Variants in CSNK1G3 observed in about 807,000 individuals in gnomAD.
CSNK1G3 encodes casein kinase 1 gamma 3, also known as casein kinase I isoform gamma-3.
Under a neutral mutation model 64.3 loss-of-function variants are expected in CSNK1G3, and 23 were observed. The observed-to-expected ratio is 0.36, with a 90% CI of 0.26 to 0.51. The LOEUF (loss-of-function observed/expected upper bound fraction) is 0.51, where lower values mean the gene tolerates loss of function less well. CSNK1G3 is among the 20% of genes least tolerant of loss of function. The pLI is 0.96. For synonymous variants in CSNK1G3, 158 were observed against 162.2 expected (o/e 0.97, Z 0.20); for missense variants, 357 against 510.5 (o/e 0.70, Z 2.90).
chr5:123,590,658 T>C, intron 9 of CSNK1G3, 100 bp downstream of exon 9: 1 of 745,956 alleles, frequency 1.3e-6, no homozygotes, highest in Non-Finnish European at 2.0e-6. Context: ...ATAGTTGTTT[T>C]AAAGGATTCA....
intron 1 of CSNK1G3, among the ~76,000 whole-genome samples, chr5:123,531,013 G>C (rs970337284): frequency 7.9e-5 from 12 of 152,070 alleles, no homozygotes; most frequent in African/African-American, 2.9e-4. Flanking sequence ...TTTGGAGAAG[G>C]CTGAAGACAT....
At chr5:123,607,741 T>C (rs1374361933) in intron 12 of CSNK1G3, among the ~76,000 whole-genome samples, 2 of 152,164 alleles carry the variant, frequency 1.3e-5, no homozygotes, top group Non-Finnish European at 2.9e-5. Context: ...CTTAATAAAA[T>C]GGTTGTTTTA....
chr5:123,541,656 T>C (rs1048514508), intron 1 of CSNK1G3, among the ~76,000 whole-genome samples: 1 of 152,142 alleles, frequency 6.6e-6, no homozygotes, highest in Non-Finnish European at 1.5e-5. Flanking sequence ...GGTCTTGAAC[T>C]CCTGAGGTCA....
At chr5:123,532,455 T>C (rs1009124115) in intron 1 of CSNK1G3, among the ~76,000 whole-genome samples, 1 of 151,924 alleles carries the variant, frequency 6.6e-6, no homozygotes, top group South Asian at 2.1e-4. Flanking sequence ...AATATATTTA[T>C]AAAGCAATTC....
At chr5:123,569,871 C>G (rs970625841) in intron 4 of CSNK1G3, among the ~76,000 whole-genome samples, 4 of 152,134 alleles carry the variant, frequency 2.6e-5, no homozygotes, top group Non-Finnish European at 4.4e-5. Flanking sequence ...TAGTTGGTAA[C>G]TTTTCCTAGA....
chr5:123,523,031 A>G (rs185669051), intron 1 of CSNK1G3, among the ~76,000 whole-genome samples: 14 of 152,306 alleles, frequency 9.2e-5, no homozygotes, highest in Admixed American at 8.5e-4. Context: ...TGTTACTAAT[A>G]AAAAGTTATT....
intron 12 of CSNK1G3, among the ~76,000 whole-genome samples, chr5:123,607,337 G>A (rs1373543444): frequency 6.6e-6 from 1 of 152,046 alleles, no homozygotes; most frequent in Non-Finnish European, 1.5e-5. Context: ...TGAATTTCTT[G>A]AAAACAGGTA....
intron 6 of CSNK1G3, among the ~76,000 whole-genome samples, chr5:123,586,839 A>G (rs1791414825): frequency 6.6e-6 from 1 of 152,208 alleles, no homozygotes; most frequent in South Asian, 2.1e-4. Flanking sequence ...CAAAAGAAAG[A>G]GGTTTAATGG....
intron 9 of CSNK1G3, among the ~76,000 whole-genome samples, chr5:123,590,767 T>G (rs1002466906): frequency 1.3e-5 from 2 of 152,098 alleles, no homozygotes; most frequent in Non-Finnish European, 2.9e-5. Flanking sequence ...CCTTTTAGCA[T>G]GAAGAGTTAC....
chr5:123,564,137 ATAG>A lies in CSNK1G3; in HGVS notation c.289+6577_289+6579del, dbSNP rs755979743. 5.3e-5 allele frequency among the ~76,000 whole-genome samples: 8 copies of A among 152,196 alleles called. No individual in the cohort carries two copies. In the East Asian group the frequency reaches 5.8e-4, roughly 11 times the overall value. On this transcript the variant is annotated intron_variant, in intron 4 of 12. Transcript: ENST00000345990. The stretch of plus-strand genomic sequence containing the variant: ...ATATACTTACATTGTTACTACTATC[ATAG>A]TAGATGGAAGTATACAATTTTTTTC...
At chr5:123,520,147 A>G (rs1195852012) in intron 1 of CSNK1G3, among the ~76,000 whole-genome samples, 1 of 152,236 alleles carries the variant, frequency 6.6e-6, no homozygotes, top group East Asian at 1.9e-4. Context: ...TGCTTAAATG[A>G]AAATGCAAAA....
chr5:123,579,703 T>C (rs1789886974), intron 6 of CSNK1G3, among the ~76,000 whole-genome samples: 1 of 151,992 alleles, frequency 6.6e-6, no homozygotes, highest in African/African-American at 2.4e-5. Context: ...TTAGGAAAAG[T>C]CATCAGTACC....
At chr5:123,584,455 T>C (rs964604736) in intron 6 of CSNK1G3, among the ~76,000 whole-genome samples, 1 of 152,196 alleles carries the variant, frequency 6.6e-6, no homozygotes, top group Non-Finnish European at 1.5e-5. Flanking sequence ...GCGAATTACA[T>C]TGATTGATTT....
At chr5:123,526,820 A>G (rs1779162166) in intron 1 of CSNK1G3, among the ~76,000 whole-genome samples, 1 of 150,580 alleles carries the variant, frequency 6.6e-6, no homozygotes, top group African/African-American at 2.4e-5. Flanking sequence ...CCATTAAGAA[A>G]TGTTTCATTC....
intron 6 of CSNK1G3, among the ~76,000 whole-genome samples, chr5:123,585,042 C>A (rs1791050682): frequency 1.3e-5 from 2 of 151,898 alleles, no homozygotes. Flanking sequence ...ACTGATTGTC[C>A]ATTGGTCATT....
At chr5:123,612,901 C>T (rs556929135) in intron 12 of CSNK1G3, among the ~76,000 whole-genome samples, 42 of 152,254 alleles carry the variant, frequency 2.8e-4, no homozygotes, top group African/African-American at 9.9e-4. Context: ...ATATACTTTG[C>T]TTTTATTACA....
chr5:123,569,978 C>T (rs1787751330), intron 4 of CSNK1G3, among the ~76,000 whole-genome samples: 1 of 152,048 alleles, frequency 6.6e-6, no homozygotes, highest in Non-Finnish European at 1.5e-5. Flanking sequence ...AAGGTTTTTG[C>T]CATTTCTTCT....
At chr5:123,583,654 G>A (rs994611124) in intron 6 of CSNK1G3, among the ~76,000 whole-genome samples, 18 of 152,040 alleles carry the variant, frequency 1.2e-4, no homozygotes, top group African/African-American at 2.7e-4. Flanking sequence ...GTGAGCCACC[G>A]CGCCCGGCCC....
At chr5:123,578,570 C>CT (rs1436630387) in intron 6 of CSNK1G3, among the ~76,000 whole-genome samples, 1 of 151,736 alleles carries the variant, frequency 6.6e-6, no homozygotes, top group Non-Finnish European at 1.5e-5. Flanking sequence ...TATTCATTTT[C>CT]TTAATGGTAT....
Sources: gnomAD v4.1 joint callset for allele counts (sites outside exome capture counted in the v4.1 genomes callset) on GRCh38, gnomAD v4.1.1 for gene constraint, MANE v1.5 for transcripts, NCBI Gene and HGNC (gene_info 2026-07-23, HGNC 2026-07-21) for gene names.